XYLT1: variants seen among roughly 807,000 people sequenced by gnomAD.
XYLT1 encodes the protein beta-D-xylosyltransferase 1.
In XYLT1, 36 loss-of-function variants were observed where a neutral mutation model predicts 91.3. The ratio of observed to expected loss-of-function variants is 0.39; its 90% confidence interval spans 0.30 to 0.52. XYLT1 has a LOEUF of 0.52. Ranked by LOEUF, XYLT1 falls within the 20% of genes least tolerant of loss-of-function variation. XYLT1 has a pLI of 0.68. For missense variants in XYLT1, 1,242 were observed against 1,284.5 expected (o/e 0.97, Z 0.51); for synonymous variants, 588 against 532.0 (o/e 1.11, Z -1.45).
intron 3 of XYLT1, among the ~76,000 whole-genome samples, chr16:17,240,165 T>C (rs546328789): frequency 2.0e-5 from 3 of 152,310 alleles, no homozygotes; most frequent in Non-Finnish European, 2.9e-5. Flanking sequence ...CATGAATTGC[T>C]GGGAGAGGCA....
In XYLT1 at chr16:17,153,576, G is replaced by T. The variant is rs547723847; in HGVS notation, c.1370+5253C>A. ...ATTACAGGTGTGAGCCACTGTGCCC[G>T]GCCTCTAAGCTAACTTTAAATAGCT... On this transcript the variant is annotated intron_variant, in intron 6 of 11. Transcript: ENST00000261381. Among the ~76,000 whole-genome samples, 184 of 152,256 alleles carry T rather than the reference G, an allele frequency of 1.2e-3. 1 individual carries two copies. Among genetic ancestry groups the T allele is most frequent in the Non-Finnish European group, 2.2e-3 (148 of 68,022 alleles).
chr16:17,449,988 AC>A (rs2141949567), intron 1 of XYLT1, among the ~76,000 whole-genome samples: 1 of 152,338 alleles, frequency 6.6e-6, no homozygotes, highest in South Asian at 2.1e-4. Flanking sequence ...ACTGGGAATA[AC>A]CTGATGGAGT....
intron 10 of XYLT1, among the ~76,000 whole-genome samples, chr16:17,118,509 TC>T (rs1204312439): frequency 6.6e-6 from 1 of 152,140 alleles, no homozygotes; most frequent in Non-Finnish European, 1.5e-5. Context: ...CTACAGGGGT[TC>T]AAATAGGTTT....
chr16:17,261,736 G>A (rs757706975), intron 2 of XYLT1, among the ~76,000 whole-genome samples: 18 of 152,252 alleles, frequency 1.2e-4, no homozygotes, highest in Middle Eastern at 3.4e-3. Context: ...CACGAAGCAC[G>A]TGGAGTCTGA....
At chr16:17,196,652 C>T (rs1312353437) in intron 5 of XYLT1, among the ~76,000 whole-genome samples, 1 of 152,132 alleles carries the variant, frequency 6.6e-6, no homozygotes, top group Non-Finnish European at 1.5e-5. Flanking sequence ...GAATGCTGAA[C>T]CCTATGGCCT....
At chr16:17,358,235 G>A (rs1171962514) in intron 1 of XYLT1, among the ~76,000 whole-genome samples, 185 bp from the exon 2 acceptor site, 1 of 151,484 alleles carries the variant, frequency 6.6e-6, no homozygotes, top group Non-Finnish European at 1.5e-5. Context: ...CAGGGCTCAA[G>A]TGATCCTCCC....
intron 2 of XYLT1, among the ~76,000 whole-genome samples, chr16:17,270,542 C>T (rs1036491765): frequency 7.2e-5 from 11 of 151,770 alleles, no homozygotes; most frequent in Middle Eastern, 3.4e-3. Flanking sequence ...CAGCAGAGGG[C>T]GAAATAATGG....
At chr16:17,325,243 C>CA in intron 2 of XYLT1, among the ~76,000 whole-genome samples, 2 of 151,990 alleles carry the variant, frequency 1.3e-5, no homozygotes, top group South Asian at 2.1e-4. Flanking sequence ...ACTAAAAATA[C>CA]AAAAAAATTA....
Position 17,222,344 on chromosome 16 carries a change from G to A in XYLT1, c.914-21690C>T, listed in dbSNP as rs529321325. ...AAGAAAGAATGCTACTGGCACCTAG[G>A]AGGTAGAAGCCAGGGATACCGCTAA... On this transcript the variant is annotated intron_variant, in intron 3 of 11. Transcript: ENST00000261381. Among the ~76,000 whole-genome samples the A allele has an allele frequency of 1.7e-4, 26 of 152,316 alleles. No individual in the cohort carries two copies. The South Asian group carries it at 3.7e-3, about 22-fold the overall frequency.
At chr16:17,415,167 C>T (rs1255681329) in intron 1 of XYLT1, among the ~76,000 whole-genome samples, 1 of 152,232 alleles carries the variant, frequency 6.6e-6, no homozygotes, top group East Asian at 1.9e-4. Flanking sequence ...GGAATTGGTG[C>T]GTGCAGCCAG....
intron 5 of XYLT1, among the ~76,000 whole-genome samples, chr16:17,164,064 A>AAAAAAAAAAAAAAG (rs2031621213): frequency 7.1e-6 from 1 of 141,590 alleles, no homozygotes; most frequent in African/African-American, 2.6e-5. Flanking sequence ...AAAAAAAAAA[A>AAAAAAAAAAAAAAG]AAAAAGAAAG....
chr16:17,411,825 A>G (rs1170956202), intron 1 of XYLT1, among the ~76,000 whole-genome samples: 2 of 152,226 alleles, frequency 1.3e-5, no homozygotes, highest in Non-Finnish European at 2.9e-5. Context: ...GGTGCCCTGA[A>G]GGCCTCTGAT....
chr16:17,317,682 G>A (rs2034657291), intron 2 of XYLT1, among the ~76,000 whole-genome samples: 1 of 145,304 alleles, frequency 6.9e-6, no homozygotes, highest in South Asian at 2.3e-4. Context: ...AGTATTTATG[G>A]TATGCAGTAT....
intron 1 of XYLT1, among the ~76,000 whole-genome samples, chr16:17,408,617 C>G (rs1457524452): frequency 6.6e-6 from 1 of 152,134 alleles, no homozygotes; most frequent in Non-Finnish European, 1.5e-5. Context: ...AGGCCAGGGC[C>G]GGCGGATCAC....
intron 2 of XYLT1, among the ~76,000 whole-genome samples, chr16:17,313,412 C>T (rs62033208): frequency 0.14 from 21,900 of 152,184 alleles, 1,836 homozygotes; most frequent in Non-Finnish European, 0.2. Flanking sequence ...TGGCAGCCAG[C>T]GACCTACCAG....
At chr16:17,186,398 C>T (rs1286097288) in intron 5 of XYLT1, among the ~76,000 whole-genome samples, 1 of 151,982 alleles carries the variant, frequency 6.6e-6, no homozygotes, top group Non-Finnish European at 1.5e-5. Flanking sequence ...CCACCATGCC[C>T]AGCCGATTTC....
Position 17,180,709 on chromosome 16 carries a change from T to C in XYLT1, c.1289+17503A>G, listed in dbSNP as rs564290333. Among the ~76,000 whole-genome samples the C allele has an allele frequency of 2.1e-4, 32 of 152,304 alleles. No homozygotes were observed. The South Asian group carries it at 6.4e-3, about 31-fold the overall frequency. ...GCCTTCCCCTTCCCATTCTCCACTTTTGGATTAACTGGTCTTATAGGCAGT... is the reference window on the plus strand; with the variant it reads ...GCCTTCCCCTTCCCATTCTCCACTTCTGGATTAACTGGTCTTATAGGCAGT... On this transcript the variant is annotated intron_variant, in intron 5 of 11. Transcript: ENST00000261381.
rs143591263 is a variant in XYLT1 at position 17,111,810 on chromosome 16, C to T, written c.2558-2793G>A. 7.9e-5 allele frequency among the ~76,000 whole-genome samples: 12 copies of T among 152,288 alleles called. No homozygotes were observed. In the South Asian group the frequency reaches 1.5e-3, roughly 18 times the overall value. On this transcript the variant is annotated intron_variant, in intron 11 of 11. Coordinates refer to ENST00000261381, the MANE Select transcript of XYLT1 (RefSeq NM_022166.4). ...CAGTCATTGAGCACATACTCTGTCTCGCAAGGGGTTTAGCAAAGCTGCTTT... is the reference window on the plus strand; with the variant it reads ...CAGTCATTGAGCACATACTCTGTCTTGCAAGGGGTTTAGCAAAGCTGCTTT...
At chr16:17,392,633 G>A (rs2035834365) in intron 1 of XYLT1, among the ~76,000 whole-genome samples, 2 of 152,274 alleles carry the variant, frequency 1.3e-5, no homozygotes, top group Middle Eastern at 3.4e-3. Context: ...CCAAATGGGA[G>A]AGTTATGCTT....
Sources: allele counts gnomAD v4.1 joint callset (sites outside exome capture counted in the v4.1 genomes callset), GRCh38; gene constraint gnomAD v4.1.1; transcripts MANE v1.5; gene names NCBI Gene and HGNC (gene_info 2026-07-23, HGNC 2026-07-21).